Variants in ANO10 observed in about 807,000 individuals in gnomAD.
ANO10 encodes anoctamin 10, also known as anoctamin-10.
In ANO10, 77 loss-of-function variants were observed where a neutral mutation model predicts 74.7. The ratio of observed to expected loss-of-function variants is 1.03; its 90% confidence interval spans 0.86 to 1.25. The LOEUF is 1.25. Among genes scored for constraint, ANO10 ranks in the 50% most tolerant of loss-of-function variants. The probability of loss-of-function intolerance (pLI) is 0.00; values close to 1 mark genes in which losing one functional copy is unlikely to be tolerated. For missense variants in ANO10, 721 were observed against 778.1 expected (o/e 0.93, Z 0.87); for synonymous variants, 279 against 284.9 (o/e 0.98, Z 0.21).
chr3:43,563,413 G>A (rs892265530), intron 8 of ANO10, among the ~76,000 whole-genome samples: 3 of 122,190 alleles, frequency 2.5e-5, no homozygotes, highest in Non-Finnish European at 3.4e-5. Context: ...AGAGTATGGC[G>A]AGAGGTTTTT....
intron 1 of ANO10, among the ~76,000 whole-genome samples, chr3:43,665,637 C>T (rs2083981730): frequency 6.6e-6 from 1 of 152,042 alleles, no homozygotes; most frequent in South Asian, 2.1e-4. Context: ...TTTCATTTAC[C>T]TTCCTCTCTG....
Position 43,432,732 on chromosome 3 carries a change from A to G in ANO10, c.1798-5T>C, listed in dbSNP as rs2093003124. ...CTTTAAAGCCAGGAGTGCGTGCTGA[A>G]AACAAGAAAGAGTACATGTTGATGT... On this transcript the variant is annotated splice_polypyrimidine_tract_variant and splice_region_variant and intron_variant, in intron 11 of 12. Transcript: ENST00000292246. 2 of 1,593,056 alleles carry G rather than the reference A, an allele frequency of 1.3e-6. No homozygotes were observed. The highest frequency in any genetic ancestry group is 1.3e-5 in the African/African-American group (1 of 74,460).
At chr3:43,547,881 A>C (rs568827678) in intron 11 of ANO10, among the ~76,000 whole-genome samples, 4 of 152,342 alleles carry the variant, frequency 2.6e-5, no homozygotes, top group African/African-American at 9.6e-5. Flanking sequence ...TGAGGGCAAA[A>C]ATCAAGATGT....
intron 12 of ANO10, among the ~76,000 whole-genome samples, chr3:43,399,449 T>C (rs1256720838): frequency 2.0e-5 from 3 of 152,254 alleles, no homozygotes; most frequent in Admixed American, 6.5e-5. Flanking sequence ...TTTTTCATTA[T>C]GGTGTCTGTC....
chr3:43,464,010 C>T (rs1428396924), intron 11 of ANO10, among the ~76,000 whole-genome samples: 2 of 152,180 alleles, frequency 1.3e-5, no homozygotes, highest in African/African-American at 4.8e-5. Context: ...TCTCTCTTTG[C>T]CTACTACCAT....
chr3:43,517,128 A>G (rs1035574048), intron 11 of ANO10, among the ~76,000 whole-genome samples: 1 of 152,214 alleles, frequency 6.6e-6, no homozygotes, highest in Non-Finnish European at 1.5e-5. Context: ...TTTTTTCAGT[A>G]TCCAATCAAG....
chr3:43,430,574 T>C (rs1363048519), intron 12 of ANO10, among the ~76,000 whole-genome samples: 1 of 152,140 alleles, frequency 6.6e-6, no homozygotes, highest in African/African-American at 2.4e-5. Context: ...AATATCACTT[T>C]TACCATAAAT....
At chr3:43,460,193 C>T (rs2075316791) in intron 11 of ANO10, among the ~76,000 whole-genome samples, 1 of 152,094 alleles carries the variant, frequency 6.6e-6, no homozygotes, top group Non-Finnish European at 1.5e-5. Context: ...TAGAAAATTA[C>T]AGCCTAGAAC....
rs563174800 is a variant in ANO10, at chr3:43,566,066, G to C, written c.1219-339C>G. Among the ~76,000 whole-genome samples the C allele has an allele frequency of 5.9e-5, 9 of 152,310 alleles. 1 individual carries two copies. The South Asian group carries it at 1.9e-3, about 32-fold the overall frequency. ...GAGTTCCCTTTCTGAGTCAAAGAAA[G>C]GGGTGACGGACGGCACCTGGAAAAT... is the stretch of plus-strand genomic sequence containing the variant. On this transcript the variant is annotated intron_variant, in intron 7 of 12. Coordinates refer to ENST00000292246, the MANE Select transcript of ANO10 (RefSeq NM_018075.5).
Position 43,689,025 on chromosome 3 carries a change from A to T in ANO10, c.-12+2492T>A, listed in dbSNP as rs1485773977. On this transcript the variant is annotated intron_variant, in intron 1 of 3. Coordinates refer to the ANO10 transcript ENST00000413397. ...AGGCATCTTACATGACTAGAGCAGG[A>T]GCAAGAGAGTGAGGGGTAGGTGCCA... Among the ~76,000 whole-genome samples, 3 of 152,272 alleles carry T rather than the reference A, an allele frequency of 2.0e-5. No individual in the cohort carries two copies. In the East Asian group the frequency reaches 5.8e-4, roughly 29 times the overall value.
intron 11 of ANO10, among the ~76,000 whole-genome samples, chr3:43,492,963 T>C (rs1465226906): frequency 2.6e-5 from 4 of 152,206 alleles, no homozygotes; most frequent in Admixed American, 6.5e-5. Context: ...TTACAAATCA[T>C]TGTACTATAA....
At chr3:43,603,011 T>C (rs2082404410) in intron 2 of ANO10, among the ~76,000 whole-genome samples, 1 of 152,246 alleles carries the variant, frequency 6.6e-6, no homozygotes, top group South Asian at 2.1e-4. Context: ...TCTCACAGTA[T>C]GGTTAAGTCA....
intron 4 of ANO10, among the ~76,000 whole-genome samples, chr3:43,585,661 T>C (rs930572121): frequency 7.2e-5 from 11 of 152,164 alleles, no homozygotes; most frequent in African/African-American, 2.4e-4. Flanking sequence ...ATTTCCACAT[T>C]ATCAATGTGG....
chr3:43,659,233 G>A (rs2083892181), intron 1 of ANO10, among the ~76,000 whole-genome samples: 2 of 152,184 alleles, frequency 1.3e-5, no homozygotes, highest in Admixed American at 6.5e-5. Flanking sequence ...CATGGAGGGT[G>A]AGCCAAAGTA....
intron 12 of ANO10, among the ~76,000 whole-genome samples, chr3:43,422,689 A>G (rs2092837215): frequency 6.6e-6 from 1 of 152,180 alleles, no homozygotes; most frequent in African/African-American, 2.4e-5. Context: ...CAGCCTATTC[A>G]GTAGTTTTCA....
At chr3:43,556,045 C>T (rs1208935212) in intron 9 of ANO10, among the ~76,000 whole-genome samples, 1 of 152,084 alleles carries the variant, frequency 6.6e-6, no homozygotes, top group Non-Finnish European at 1.5e-5. Flanking sequence ...GATTCAAGGG[C>T]GAGCAGTTTC....
chr3:43,526,415 T>C (rs1575343421), intron 11 of ANO10, among the ~76,000 whole-genome samples: 1 of 152,160 alleles, frequency 6.6e-6, no homozygotes, highest in Admixed American at 6.5e-5. Context: ...AGCGTCAGCA[T>C]GCATGCCCAC....
At chr3:43,403,484 G>A (rs767505005) in intron 12 of ANO10, among the ~76,000 whole-genome samples, 3 of 152,212 alleles carry the variant, frequency 2.0e-5, no homozygotes, top group Non-Finnish European at 4.4e-5. Context: ...CAAGAGCTCA[G>A]GGCAGCAGGA....
chr3:43,548,706 T>C (rs2079311015), intron 11 of ANO10, among the ~76,000 whole-genome samples: 1 of 152,226 alleles, frequency 6.6e-6, no homozygotes, highest in Non-Finnish European at 1.5e-5. Flanking sequence ...TCCATAACTG[T>C]TTTGTTTTTA....
Sources: gnomAD v4.1 joint callset for allele counts (sites outside exome capture counted in the v4.1 genomes callset) on GRCh38, gnomAD v4.1.1 for gene constraint, MANE v1.5 for transcripts, NCBI Gene and HGNC (gene_info 2026-07-23, HGNC 2026-07-21) for gene names.